Variants in DIS3L2 observed in about 807,000 individuals in gnomAD.
The protein encoded by DIS3L2 is DIS3-like exonuclease 2.
DIS3L2 carries 34 observed loss-of-function variants against 97.5 expected under a neutral mutation model. The observed-to-expected ratio is 0.35, with a 90% confidence interval of 0.27 to 0.46. The LOEUF (loss-of-function observed/expected upper bound fraction) is 0.46. DIS3L2 is among the 20% of genes least tolerant of loss of function. The probability of loss-of-function intolerance (pLI) is 1.00; values close to 1 mark genes in which losing one functional copy is unlikely to be tolerated. For missense variants in DIS3L2, 1,038 were observed against 1,146.0 expected (o/e 0.91, Z 1.36); for synonymous variants, 435 against 445.2 (o/e 0.98, Z 0.29).
intron 10 of DIS3L2, among the ~76,000 whole-genome samples, chr2:232,222,992 CA>C (rs1337124287): frequency 1.3e-5 from 2 of 152,208 alleles, no homozygotes; most frequent in Non-Finnish European, 2.9e-5. Context: ...ATGTTCCATT[CA>C]AATCTTGCTA....
chr2:232,062,839 A>G (rs186806512), intron 5 of DIS3L2, among the ~76,000 whole-genome samples: 7 of 151,342 alleles, frequency 4.6e-5, no homozygotes, highest in East Asian at 2.0e-4. Flanking sequence ...ATCTTCATCT[A>G]TCTATCTGTG....
chr2:232,277,511 C>G (rs1329957108), intron 13 of DIS3L2, among the ~76,000 whole-genome samples: 1 of 152,012 alleles, frequency 6.6e-6, no homozygotes, highest in African/African-American at 2.4e-5. Flanking sequence ...CTACTTTTCT[C>G]TTTCTTACTA....
At chr2:232,252,572 C>A (rs1206018527) in intron 12 of DIS3L2, among the ~76,000 whole-genome samples, 1 of 152,182 alleles carries the variant, frequency 6.6e-6, no homozygotes, top group East Asian at 1.9e-4. Context: ...TGTGGCTATT[C>A]ATTTTTGTAC....
At chr2:232,164,187 T>A (rs2106377749) in intron 9 of DIS3L2, among the ~76,000 whole-genome samples, 1 of 152,354 alleles carries the variant, frequency 6.6e-6, no homozygotes, top group South Asian at 2.1e-4. Context: ...AGAAGTGCCT[T>A]CCTTTAAATG....
At chr2:232,334,218 C>A in intron 17 of DIS3L2, 151 bp from the exon 18 acceptor site, 1 of 1,233,386 alleles carries the variant, frequency 8.1e-7, no homozygotes, top group Non-Finnish European at 1.1e-6. Flanking sequence ...AGGGCGCTGA[C>A]CTCGAAGGGC....
At chr2:232,033,215 G>T (rs138123145) in intron 5 of DIS3L2, among the ~76,000 whole-genome samples, 2 of 152,100 alleles carry the variant, frequency 1.3e-5, no homozygotes, top group East Asian at 1.9e-4. Context: ...AGTTGTATTC[G>T]TAGGTACTTT....
chr2:232,032,042 G>C (rs1383649605), intron 5 of DIS3L2, among the ~76,000 whole-genome samples: 1 of 152,306 alleles, frequency 6.6e-6, no homozygotes, highest in East Asian at 1.9e-4. Flanking sequence ...GGATTGCCGG[G>C]TCAAATGGTA....
At position 232,323,701 on chromosome 2, in the gene DIS3L2, C is replaced by T. The variant is rs189716563; in HGVS notation, c.1740-6112C>T. On this transcript the variant is annotated intron_variant, in intron 14 of 20. Transcript: ENST00000325385. ...AATGCATTCAGGAGGTTGCAGTGCG[C>T]GCAGGAGGAGAGGGGTCAGCGAGAG... Among the ~76,000 whole-genome samples the T allele has an allele frequency of 3.6e-3, 550 of 152,290 alleles. 3 individuals carry two copies. The highest frequency in any genetic ancestry group is 5.7e-3 in the Non-Finnish European group (386 of 68,030).
intron 3 of DIS3L2, among the ~76,000 whole-genome samples, chr2:232,022,921 A>G (rs927144084): frequency 2.0e-5 from 3 of 152,202 alleles, no homozygotes; most frequent in African/African-American, 7.2e-5. Flanking sequence ...GAGCTTTGCC[A>G]ACCTTATCTC....
intron 5 of DIS3L2, among the ~76,000 whole-genome samples, chr2:232,054,033 C>G (rs562853232): frequency 2.6e-5 from 4 of 152,120 alleles, no homozygotes; most frequent in South Asian, 4.1e-4. Context: ...GAGGTATGTT[C>G]GAAAAGGGCT....
At chr2:232,168,055 TA>T (rs1690877488) in intron 9 of DIS3L2, among the ~76,000 whole-genome samples, 1 of 151,912 alleles carries the variant, frequency 6.6e-6, no homozygotes, top group African/African-American at 2.4e-5. Context: ...CTCAAAAAAA[TA>T]AAAATAAATA....
At chr2:231,963,461 T>C (rs2106209714) in intron 1 of DIS3L2, among the ~76,000 whole-genome samples, 1 of 152,346 alleles carries the variant, frequency 6.6e-6, no homozygotes, top group East Asian at 1.9e-4. Context: ...TTTTGCTTGT[T>C]GATTTAAGTT....
intron 14 of DIS3L2, among the ~76,000 whole-genome samples, chr2:232,312,797 C>T (rs898939573): frequency 2.0e-5 from 3 of 152,128 alleles, no homozygotes; most frequent in Admixed American, 6.5e-5. Context: ...AGAGATCTTG[C>T]TCATGTTTCA....
chr2:232,182,321 A>G (rs972391099), intron 9 of DIS3L2, among the ~76,000 whole-genome samples: 1 of 152,102 alleles, frequency 6.6e-6, no homozygotes. Context: ...TAGTCCTTGT[A>G]TATTTATTGA....
intron 5 of DIS3L2, among the ~76,000 whole-genome samples, chr2:232,068,434 A>G (rs961816588): frequency 1.5e-4 from 22 of 150,280 alleles, no homozygotes; most frequent in Non-Finnish European, 3.0e-4. Flanking sequence ...AAAATACAAA[A>G]GTTAGCTGGG....
intron 9 of DIS3L2, among the ~76,000 whole-genome samples, chr2:232,175,231 T>A (rs1691119250): frequency 6.6e-6 from 1 of 152,210 alleles, no homozygotes; most frequent in Admixed American, 6.5e-5. Flanking sequence ...AGTGGTTTTC[T>A]CATGGAAGAG....
intron 5 of DIS3L2, among the ~76,000 whole-genome samples, chr2:232,074,964 G>T (rs1277107656): frequency 6.6e-6 from 1 of 152,182 alleles, no homozygotes; most frequent in Admixed American, 6.5e-5. Context: ...AGAGAGAGAA[G>T]TTAGCAGATA....
intron 8 of DIS3L2, among the ~76,000 whole-genome samples, chr2:232,143,280 C>T (rs1361323386): frequency 6.6e-6 from 1 of 151,994 alleles, no homozygotes; most frequent in African/African-American, 2.4e-5. Context: ...TTCCCAAGGC[C>T]CCCACCTATC....
chr2:232,224,769 T>C (rs1301085249), intron 10 of DIS3L2, among the ~76,000 whole-genome samples: 1 of 148,294 alleles, frequency 6.7e-6, no homozygotes, highest in Non-Finnish European at 1.5e-5. Context: ...ACCTGGGAGG[T>C]GGAGGTTGCA....
Sources: gnomAD v4.1 joint callset for allele counts (sites outside exome capture counted in the v4.1 genomes callset) on GRCh38, gnomAD v4.1.1 for gene constraint, MANE v1.5 for transcripts, NCBI Gene and HGNC (gene_info 2026-07-23, HGNC 2026-07-21) for gene names.